Variants in KIAA2012 observed in about 807,000 individuals in gnomAD.
The protein encoded by KIAA2012 is uncharacterized protein KIAA2012.
Under a neutral mutation model 150.6 loss-of-function variants are expected in KIAA2012, and 125 were observed. The ratio of observed to expected loss-of-function variants is 0.83; its 90% CI spans 0.72 to 0.96. The LOEUF is 0.96. KIAA2012 is among the 40% of genes least tolerant of loss of function. KIAA2012 has a pLI of 0.00. For missense variants in KIAA2012, 1,219 were observed against 1,354.9 expected, an observed-to-expected ratio of 0.90 and a Z score of 1.57; for synonymous variants, 462 against 504.7, an observed-to-expected ratio of 0.92 and a Z score of 1.13.
At chr2:202,147,739 T>C (rs1287877166) in intron 13 of KIAA2012, among the ~76,000 whole-genome samples, 1 of 152,180 alleles carries the variant, frequency 6.6e-6, no homozygotes, top group Non-Finnish European at 1.5e-5. Flanking sequence ...CTGTCGGTTG[T>C]CAGATTGCAA....
intron 13 of KIAA2012, among the ~76,000 whole-genome samples, chr2:202,146,457 C>A (rs1357570443): frequency 6.6e-6 from 1 of 151,982 alleles, no homozygotes; most frequent in African/African-American, 2.4e-5. Flanking sequence ...AAAGTGAAAC[C>A]CTGTCTCTAC....
chr2:202,186,178 A>G (rs977514212), intron 16 of KIAA2012, among the ~76,000 whole-genome samples: 1 of 152,192 alleles, frequency 6.6e-6, no homozygotes, highest in Non-Finnish European at 1.5e-5. Flanking sequence ...CCAACACAGC[A>G]CATGACCTTT....
At chr2:202,100,113 G>T (rs1469719664) in intron 6 of KIAA2012, among the ~76,000 whole-genome samples, 194 bp from the exon 7 acceptor site, 1 of 152,126 alleles carries the variant, frequency 6.6e-6, no homozygotes. Flanking sequence ...ACCCCATAAG[G>T]CTATTGTGTA....
intron 13 of KIAA2012, among the ~76,000 whole-genome samples, chr2:202,150,431 T>C (rs546917985): frequency 4.7e-5 from 7 of 149,190 alleles, no homozygotes; most frequent in African/African-American, 1.7e-4. Flanking sequence ...GTTTTTTTGT[T>C]TGTTTTTTTG....
rs975810876 is a variant in KIAA2012 at position 202,125,256 on chromosome 2, G to C, written c.1805G>C (p.Gly602Ala). 1 of 1,550,286 alleles carries C rather than the reference G, an allele frequency of 6.5e-7. No homozygotes were observed. Among genetic ancestry groups the C allele is most frequent in the Admixed American group, 2.0e-5 (1 of 50,986 alleles). ...VNSNISHEEE[G>A]PSSQHFLKAN... ...TCAAATATCAGCCATGAAGAGGAAG[G>C]GCCTAGTAGTCAGCATTTCCTAAAA... The change falls in exon 12 of 24, where the codon GGG (glycine) becomes GCG (alanine). Residue 602 changes from glycine to alanine, a missense_variant. Transcript: ENST00000498697.
intron 13 of KIAA2012, among the ~76,000 whole-genome samples, chr2:202,150,707 C>A (rs188774386): frequency 6.6e-6 from 1 of 152,102 alleles, no homozygotes; most frequent in African/African-American, 2.4e-5. Context: ...CTCAGCCTCC[C>A]GCAGTCCTGG....
intron 13 of KIAA2012, among the ~76,000 whole-genome samples, chr2:202,151,707 G>GA (rs1246517662): frequency 6.6e-5 from 10 of 152,236 alleles, no homozygotes; most frequent in African/African-American, 1.9e-4. Context: ...ATGGATAAAT[G>GA]AAAAACCAAC....
At chr2:202,183,618 C>T (rs572219297) in intron 15 of KIAA2012, among the ~76,000 whole-genome samples, 1 of 151,870 alleles carries the variant, frequency 6.6e-6, no homozygotes, top group East Asian at 1.9e-4. Flanking sequence ...ATTCTCTTGC[C>T]TCAGCCTCCC....
intron 4 of KIAA2012, among the ~76,000 whole-genome samples, chr2:202,095,195 C>CA (rs370342934): frequency 3.1e-4 from 47 of 150,044 alleles, no homozygotes; most frequent in Admixed American, 8.6e-4. Context: ...TCATAGGGGC[C>CA]AAAAAAAAAT....
intron 22 of KIAA2012, among the ~76,000 whole-genome samples, chr2:202,200,707 C>CTTTTTTTTTTT (rs3068268): frequency 8.0e-6 from 1 of 124,262 alleles, no homozygotes; most frequent in African/African-American, 3.1e-5. Flanking sequence ...AATTTTGGAA[C>CTTTTTTTTTTT]TTTTTTTTTT....
At chr2:202,082,569 G>A (rs7576034) in intron 2 of KIAA2012, among the ~76,000 whole-genome samples, 10 of 151,670 alleles carry the variant, frequency 6.6e-5, no homozygotes, top group Admixed American at 5.9e-4. Flanking sequence ...GTACTCCAGC[G>A]TGGGTGACAG....
At chr2:202,102,164 T>TCATA (rs970206480) in intron 7 of KIAA2012, among the ~76,000 whole-genome samples, 1 of 148,880 alleles carries the variant, frequency 6.7e-6, no homozygotes, top group Admixed American at 6.6e-5. Context: ...AGTGAATCTC[T>TCATA]CATACACACA....
chr2:202,182,216 G>A (rs1326579328), intron 15 of KIAA2012, among the ~76,000 whole-genome samples: 1 of 145,896 alleles, frequency 6.9e-6, no homozygotes, highest in Non-Finnish European at 1.5e-5. Flanking sequence ...CCGGGTTCAA[G>A]CCATTCTGCC....
chr2:202,163,857 G>A (rs541588016), intron 14 of KIAA2012, among the ~76,000 whole-genome samples: 3 of 119,176 alleles, frequency 2.5e-5, no homozygotes, highest in African/African-American at 9.4e-5. Context: ...AAACCCAAAA[G>A]TAAGAAAATT....
intron 19 of KIAA2012, 115 bp from the exon 20 acceptor site, chr2:202,193,186 A>C (rs1692351706): frequency 9.5e-7 from 1 of 1,048,410 alleles, no homozygotes; most frequent in Admixed American, 2.3e-5. Context: ...CAAAGTGTGG[A>C]GTCTGTTTTA....
chr2:202,075,284 C>T, intron 2 of KIAA2012, 109 bp downstream of exon 2: 1 of 1,219,436 alleles, frequency 8.2e-7, no homozygotes, highest in Non-Finnish European at 1.1e-6. Flanking sequence ...ATGAAACTCT[C>T]AGAACTCTAT....
chr2:202,087,113 C>T (rs1689590901), intron 2 of KIAA2012, among the ~76,000 whole-genome samples: 1 of 152,146 alleles, frequency 6.6e-6, no homozygotes, highest in South Asian at 2.1e-4. Context: ...CATTTGTTTA[C>T]ATATTGCCTA....
intron 22 of KIAA2012, among the ~76,000 whole-genome samples, chr2:202,199,994 A>C (rs1248317512): frequency 7.8e-6 from 1 of 127,954 alleles, no homozygotes; most frequent in Non-Finnish European, 1.5e-5. Context: ...GCAGTGGCGC[A>C]ATCTTGGCTC....
chr2:202,096,653 A>C (rs142024005), intron 4 of KIAA2012, among the ~76,000 whole-genome samples: 87 of 152,280 alleles, frequency 5.7e-4, no homozygotes, highest in African/African-American at 2.0e-3. Context: ...CACAGGCCCG[A>C]AGCCTTCCAG....
Sources: allele counts gnomAD v4.1 joint callset (sites outside exome capture counted in the v4.1 genomes callset), GRCh38; gene constraint gnomAD v4.1.1; transcripts MANE v1.5; gene names NCBI Gene and HGNC (gene_info 2026-07-23, HGNC 2026-07-21).